The following MGAT4D variants were observed in gnomAD, a reference collection of about 807,000 sequenced individuals.
MGAT4D encodes MGAT4 family member D, also known as alpha-1,3-mannosyl-glycoprotein 4-beta-N-acetylglucosaminyltransferase-like protein MGAT4D.
A neutral mutation model predicts 15.9 loss-of-function variants in MGAT4D; 34 were observed. The observed-to-expected ratio is 2.14, with a 90% CI of 1.62 to 2.84. The LOEUF is 2.84. MGAT4D is among the 30% of genes most tolerant of loss of function. MGAT4D has a pLI of 0.00. For missense variants in MGAT4D, 327 were observed against 140.2 expected, an observed-to-expected ratio of 2.33 and a Z score of -6.73; for synonymous variants, 112 against 48.2, an observed-to-expected ratio of 2.33 and a Z score of -5.49.
intron 5 of MGAT4D, among the ~76,000 whole-genome samples, chr4:140,470,026 G>C (rs549901825): frequency 6.6e-6 from 1 of 152,390 alleles, no homozygotes; most frequent in East Asian, 1.9e-4. Flanking sequence ...CCAAGGATGC[G>C]CCTCCTCTTT....
At chr4:140,443,472 C>A in intron 10 of MGAT4D, 28 bp from the exon 11 acceptor site, 1 of 521,106 alleles carries the variant, frequency 1.9e-6, no homozygotes, top group Non-Finnish European at 3.4e-6. Context: ...AATGTAACAT[C>A]TAGAAATAAT....
intron 7 of MGAT4D, 112 bp from the exon 8 acceptor site, chr4:140,459,738 A>G (rs976209540): frequency 3.1e-6 from 1 of 326,608 alleles, no homozygotes; most frequent in Non-Finnish European, 5.5e-6. Context: ...AAATGGTTTT[A>G]TAAAATAATA....
intron 9 of MGAT4D, among the ~76,000 whole-genome samples, chr4:140,453,900 C>T (rs1730628252): frequency 6.6e-6 from 1 of 152,046 alleles, no homozygotes; most frequent in African/African-American, 2.4e-5. Flanking sequence ...TGGACTAATA[C>T]ATTTGGTTTT....
intron 4 of MGAT4D, among the ~76,000 whole-genome samples, chr4:140,474,377 G>T (rs1405060127): frequency 6.6e-6 from 1 of 152,116 alleles, no homozygotes; most frequent in Non-Finnish European, 1.5e-5. Flanking sequence ...GCATAAGAAA[G>T]TCTCTCAATC....
intron 5 of MGAT4D, among the ~76,000 whole-genome samples, chr4:140,468,629 G>C (rs1731707667): frequency 1.3e-5 from 2 of 152,100 alleles, no homozygotes; most frequent in Non-Finnish European, 2.9e-5. Context: ...AGGCATCCTT[G>C]AGTATGAGAA....
intron 9 of MGAT4D, among the ~76,000 whole-genome samples, chr4:140,454,231 T>C (rs184526697): frequency 2.0e-5 from 3 of 152,296 alleles, no homozygotes; most frequent in African/African-American, 7.2e-5. Context: ...AAACATGAAG[T>C]TGGCTATGGG....
intron 10 of MGAT4D, 38 bp downstream of exon 10, chr4:140,451,372 A>C (rs1730462566): frequency 9.2e-6 from 5 of 543,988 alleles, no homozygotes; most frequent in Non-Finnish European, 1.7e-5. Flanking sequence ...AGTTTATAAA[A>C]CATTGTATGT....
intron 9 of MGAT4D, among the ~76,000 whole-genome samples, chr4:140,456,232 G>A (rs1208833990): frequency 6.6e-6 from 1 of 152,094 alleles, no homozygotes; most frequent in Admixed American, 6.6e-5. Flanking sequence ...TATAATATTT[G>A]AACTGAGTAT....
At chr4:140,467,308 T>C (rs1731603230) in intron 5 of MGAT4D, among the ~76,000 whole-genome samples, 1 of 152,172 alleles carries the variant, frequency 6.6e-6, no homozygotes, top group Non-Finnish European at 1.5e-5. Flanking sequence ...AGTAACATAA[T>C]ATCTAAATTT....
At position 140,445,063 on chromosome 4, in the gene MGAT4D, T is replaced by G. The variant is rs1018564589; in HGVS notation, c.1117-1619A>C. On this transcript the variant is annotated intron_variant, in intron 10 of 10. Transcript: ENST00000511113. ...CGCCCAGCTAATGTTTGTATTTTTT[T>G]TAGTAGAGATGGGGTTTCACTATGT... Among the ~76,000 whole-genome samples, 4 of 152,198 alleles carry G rather than the reference T, an allele frequency of 2.6e-5. No individual in the cohort carries two copies. The East Asian group carries it at 5.8e-4, about 22-fold the overall frequency.
intron 10 of MGAT4D, among the ~76,000 whole-genome samples, chr4:140,448,912 T>C (rs1730294224): frequency 6.6e-6 from 1 of 152,220 alleles, no homozygotes; most frequent in Admixed American, 6.5e-5. Flanking sequence ...GCTTGGTAGA[T>C]TTAGCAACAA....
chr4:140,465,326 G>A (rs191277377), intron 5 of MGAT4D, among the ~76,000 whole-genome samples: 165 of 152,276 alleles, frequency 1.1e-3, no homozygotes, highest in African/African-American at 3.9e-3. Context: ...TGAGAACACA[G>A]TGACTGCAAG....
intron 9 of MGAT4D, among the ~76,000 whole-genome samples, chr4:140,453,322 T>C (rs906222976): frequency 7.9e-5 from 12 of 152,104 alleles, no homozygotes; most frequent in Non-Finnish European, 1.6e-4. Flanking sequence ...TAGAATTGTG[T>C]TACATCCATA....
rs10644682 is a variant in MGAT4D, at chr4:140,461,880, TACACACAC to T, written c.762+41_762+48del. On this transcript the variant is annotated intron_variant, in intron 7 of 10. Transcript: ENST00000511113. ...TCTATCTACAGATATAATTGGTGTA[TACACACAC>T]ACACACACACACACACACACACACA... is the stretch of plus-strand genomic sequence containing the variant. 2.3e-3 allele frequency: 1,211 copies of T among 535,252 alleles called. 2 individuals are homozygous for T. Among genetic ancestry groups the T allele is most frequent in the East Asian group, 5.5e-3 (188 of 33,918 alleles). 33.2% of individuals were successfully genotyped at this position (535,252 alleles called of 1,614,324 possible).
At chr4:140,463,750 C>A (rs1731347890) in intron 6 of MGAT4D, among the ~76,000 whole-genome samples, 1 of 152,100 alleles carries the variant, frequency 6.6e-6, no homozygotes, top group African/African-American at 2.4e-5. Flanking sequence ...GAAGAGCATG[C>A]CACTTAGTTT....
intron 5 of MGAT4D, among the ~76,000 whole-genome samples, chr4:140,467,488 A>G (rs1299824354): frequency 2.6e-5 from 4 of 152,092 alleles, no homozygotes; most frequent in African/African-American, 7.2e-5. Flanking sequence ...AAAAGCACCA[A>G]AAGTTACGTT....
intron 1 of MGAT4D, among the ~76,000 whole-genome samples, chr4:140,497,878 G>T (rs1733939366): frequency 6.6e-6 from 1 of 152,224 alleles, no homozygotes; most frequent in Non-Finnish European, 1.5e-5. Flanking sequence ...GGCCAGATGC[G>T]TTAGCGCGCG....
chr4:140,465,119 A>T (rs764728301), intron 5 of MGAT4D, 110 bp from the exon 6 acceptor site: 53 of 563,224 alleles, frequency 9.4e-5, no homozygotes, highest in Non-Finnish European at 1.6e-4. Context: ...TTTGATTTGA[A>T]TTATTTCACA....
At chr4:140,494,706 C>G (rs1183627166) in intron 1 of MGAT4D, among the ~76,000 whole-genome samples, 1 of 152,190 alleles carries the variant, frequency 6.6e-6, no homozygotes, top group East Asian at 1.9e-4. Flanking sequence ...TTAAGCCACT[C>G]ATTCTCAACC....
Sources: allele counts gnomAD v4.1 joint callset (sites outside exome capture counted in the v4.1 genomes callset), GRCh38; gene constraint gnomAD v4.1.1; transcripts MANE v1.5; gene names NCBI Gene and HGNC (gene_info 2026-07-23, HGNC 2026-07-21).